Variants in NCKAP5 observed in about 807,000 individuals in gnomAD.
The protein encoded by NCKAP5 is NCK associated protein 5, also known as nck-associated protein 5.
In NCKAP5, 92 loss-of-function variants were observed where a neutral mutation model predicts 167.0. The observed-to-expected ratio is 0.55, with a 90% CI of 0.47 to 0.66. NCKAP5 has a LOEUF of 0.66. Ranked by LOEUF, NCKAP5 falls within the 30% of genes least tolerant of loss-of-function variation. The pLI is 0.00. For missense variants in NCKAP5, 2,378 were observed against 2,315.0 expected, an observed-to-expected ratio of 1.03 and a Z score of -0.56; for synonymous variants, 891 against 877.4, an observed-to-expected ratio of 1.02 and a Z score of -0.27.
intron 8 of NCKAP5, among the ~76,000 whole-genome samples, chr2:132,954,028 G>A (rs558648573): frequency 2.6e-5 from 4 of 152,166 alleles, no homozygotes; most frequent in Admixed American, 1.3e-4. Context: ...ACTGAGAGTT[G>A]GAGAAAGCTT....
chr2:133,326,209 A>G (rs192813892), intron 3 of NCKAP5, among the ~76,000 whole-genome samples: 1 of 152,222 alleles, frequency 6.6e-6, no homozygotes, highest in African/African-American at 2.4e-5. Flanking sequence ...TAATCCCAGC[A>G]CTTTGGGAGG....
chr2:133,343,539 ATT>A (rs1409728166), intron 3 of NCKAP5, among the ~76,000 whole-genome samples: 1 of 152,188 alleles, frequency 6.6e-6, no homozygotes, highest in African/African-American at 2.4e-5. Context: ...AAAAAATTTT[ATT>A]TTTTATGTCT....
chr2:133,006,868 C>T (rs946695277), intron 6 of NCKAP5, among the ~76,000 whole-genome samples: 16 of 152,160 alleles, frequency 1.1e-4, no homozygotes, highest in Non-Finnish European at 2.2e-4. Context: ...CTTTAAGAAT[C>T]CACAGTACTG....
intron 1 of NCKAP5, among the ~76,000 whole-genome samples, chr2:133,560,663 A>G (rs1482718190): frequency 6.6e-6 from 1 of 152,114 alleles, no homozygotes; most frequent in Non-Finnish European, 1.5e-5. Context: ...CCTCCCCACC[A>G]CTGTTTCCTT....
Position 132,965,904 on chromosome 2 carries a change from T to TTGTGTG in NCKAP5, c.430-2041_430-2036dup, listed in dbSNP as rs60589235. Among the ~76,000 whole-genome samples the TTGTGTG allele has an allele frequency of 9.9e-3, 1,399 of 140,938 alleles. 17 individuals are homozygous for TTGTGTG. Among genetic ancestry groups the TTGTGTG allele is most frequent in the African/African-American group, 0.033 (1,249 of 38,164 alleles). The allele number at this position is 140,938 out of a possible 152,430, so 92.5% of individuals were successfully genotyped here. ...ACATCTTTATAAGGTACATGACTCTTTGTGTGTGTGTGTGTGTGTGTGTGT... is the reference window on the plus strand; with the variant it reads ...ACATCTTTATAAGGTACATGACTCTTTGTGTGTGTGTGTGTGTGTGTGTGTGTGTGT... On this transcript the variant is annotated intron_variant, in intron 7 of 19. Transcript: ENST00000409261.
intron 3 of NCKAP5, among the ~76,000 whole-genome samples, chr2:133,324,534 A>G (rs1025320701): frequency 1.3e-5 from 2 of 152,154 alleles, no homozygotes; most frequent in Admixed American, 6.5e-5. Context: ...TCTGAAACCC[A>G]GGCAAGTTGC....
At chr2:133,640,251 C>T in the NCKAP5 span, among the ~76,000 whole-genome samples, 2 of 152,152 alleles carry the variant, frequency 1.3e-5, no homozygotes, top group South Asian at 2.1e-4. Context: ...TTATTCTATA[C>T]ACTTTTTGTC....
intron 3 of NCKAP5, among the ~76,000 whole-genome samples, chr2:133,366,820 G>A (rs551824968): frequency 2.3e-4 from 35 of 152,238 alleles, no homozygotes; most frequent in South Asian, 1.0e-3. Context: ...GTGTCTGGAG[G>A]ATAATCTGAA....
chr2:133,609,934 G>A, the NCKAP5 span, among the ~76,000 whole-genome samples: 24 of 152,218 alleles, frequency 1.6e-4, no homozygotes, highest in Middle Eastern at 3.4e-3. Context: ...TAGTTCCTGA[G>A]GAATTTTAAT....
chr2:133,210,318 TA>T (rs1431012654), intron 5 of NCKAP5, among the ~76,000 whole-genome samples: 1 of 151,900 alleles, frequency 6.6e-6, no homozygotes, highest in Non-Finnish European at 1.5e-5. Context: ...GCATGCTTTG[TA>T]TTGAAGATTT....
intron 3 of NCKAP5, among the ~76,000 whole-genome samples, chr2:133,419,142 G>A (rs1689309318): frequency 6.6e-6 from 1 of 152,172 alleles, no homozygotes; most frequent in African/African-American, 2.4e-5. Context: ...ATCAGAGACG[G>A]AACCCTCAAC....
At chr2:133,352,573 GC>G (rs1684438576) in intron 3 of NCKAP5, among the ~76,000 whole-genome samples, 1 of 152,190 alleles carries the variant, frequency 6.6e-6, no homozygotes, top group African/African-American at 2.4e-5. Flanking sequence ...CTATCTCTTA[GC>G]CTCCTGAAGG....
chr2:133,240,848 A>G (rs1427239616), intron 4 of NCKAP5, among the ~76,000 whole-genome samples: 5 of 152,088 alleles, frequency 3.3e-5, no homozygotes, highest in Non-Finnish European at 7.4e-5. Flanking sequence ...TTCTGCCTCT[A>G]TTTTCATTCA....
intron 3 of NCKAP5, among the ~76,000 whole-genome samples, chr2:133,347,528 G>T (rs1342502036): frequency 6.6e-6 from 1 of 151,664 alleles, no homozygotes; most frequent in Non-Finnish European, 1.5e-5. Flanking sequence ...ATTCTAGCCT[G>T]GGCAACAGGA....
At chr2:133,090,124 T>C (rs1220262055) in intron 6 of NCKAP5, among the ~76,000 whole-genome samples, 2 of 151,478 alleles carry the variant, frequency 1.3e-5, no homozygotes, top group Non-Finnish European at 2.9e-5. Context: ...CCCAACACTT[T>C]CGGAGGCCAA....
intron 3 of NCKAP5, among the ~76,000 whole-genome samples, chr2:133,385,714 T>A (rs1462906704): frequency 2.6e-5 from 4 of 152,186 alleles, no homozygotes; most frequent in Admixed American, 2.0e-4. Context: ...AATTATTGCC[T>A]CAATTTCAGA....
chr2:133,166,394 CAA>C (rs2084003352), intron 5 of NCKAP5, among the ~76,000 whole-genome samples: 1 of 152,176 alleles, frequency 6.6e-6, no homozygotes. Context: ...ATAGTCTTCA[CAA>C]ACATTTAAAT....
chr2:133,390,077 T>C (rs1423267533), intron 3 of NCKAP5, among the ~76,000 whole-genome samples: 1 of 152,234 alleles, frequency 6.6e-6, no homozygotes, highest in Non-Finnish European at 1.5e-5. Context: ...GTAACATTCA[T>C]GTGATAACAC....
At chr2:132,821,840 C>T (rs936531713) in intron 11 of NCKAP5, among the ~76,000 whole-genome samples, 1 of 152,152 alleles carries the variant, frequency 6.6e-6, no homozygotes, top group Non-Finnish European at 1.5e-5. Context: ...ATCACTCCCC[C>T]ATGCCCCACA....
Sources: allele counts gnomAD v4.1 joint callset (sites outside exome capture counted in the v4.1 genomes callset), GRCh38; gene constraint gnomAD v4.1.1; transcripts MANE v1.5; gene names NCBI Gene and HGNC (gene_info 2026-07-23, HGNC 2026-07-21).